Variants in WIPF2 observed in about 807,000 individuals in gnomAD.
WIPF2 encodes the protein WAS/WASL interacting protein family member 2.
WIPF2 carries 23 observed loss-of-function variants against 38.8 expected under a neutral mutation model. The ratio of observed to expected loss-of-function variants is 0.59; its 90% CI spans 0.43 to 0.84. The LOEUF is 0.84. WIPF2 is among the 40% of genes least tolerant of loss of function. The pLI, the probability that WIPF2 is intolerant of heterozygous loss-of-function variation, is 0.00. For missense variants in WIPF2, 574 were observed against 580.5 expected (o/e 0.99, Z 0.11); for synonymous variants, 210 against 223.2 (o/e 0.94, Z 0.53).
In WIPF2 at chr17:40,257,209, C is replaced by T. The variant is rs568687113; in HGVS notation, c.63+687C>T. Among the ~76,000 whole-genome samples the T allele has an allele frequency of 2.7e-4, 41 of 152,146 alleles. No individual in the cohort carries two copies. The East Asian group carries it at 6.8e-3, about 25-fold the overall frequency. The stretch of plus-strand genomic sequence containing the variant: ...GGCCAGGCTGGTCTTGAACTCCTGA[C>T]CTTGTGATCCTCCTGCCTTGGCCTC... On this transcript the variant is annotated intron_variant, in intron 2 of 7. Transcript: ENST00000323571.
intron 1 of WIPF2, among the ~76,000 whole-genome samples, chr17:40,227,758 C>A (rs2030553239): frequency 6.6e-6 from 1 of 151,918 alleles, no homozygotes; most frequent in Non-Finnish European, 1.5e-5. Flanking sequence ...GAGGCTGAGG[C>A]ACAAGAATCA....
Position 40,219,411 on chromosome 17 carries a change from G to T in WIPF2, c.-151G>T. The stretch of plus-strand genomic sequence containing the variant: ...CGGCGGCGGCGGCGACGGCGAGAAA[G>T]AGCTTGCCGGGGGGCGAGCAGGACA... On this transcript the variant is annotated 5_prime_UTR_variant, in exon 1 of 8. Transcript: ENST00000323571. 2.5e-6 allele frequency: 1 copy of T among 405,468 alleles called. No individual in the cohort carries two copies. Among genetic ancestry groups the T allele is most frequent in the South Asian group, 2.2e-5 (1 of 44,742 alleles). The allele number at this position is 405,468 out of a possible 1,614,324, so 25.1% of individuals were successfully genotyped here.
chr17:40,222,600 T>C (rs1232378369), intron 1 of WIPF2, among the ~76,000 whole-genome samples: 2 of 149,752 alleles, frequency 1.3e-5, no homozygotes, highest in East Asian at 2.0e-4. Context: ...TGTGTGTGTG[T>C]GTGTGTCTGC....
At chr17:40,234,576 G>A (rs549625279) in intron 1 of WIPF2, among the ~76,000 whole-genome samples, 2 of 152,076 alleles carry the variant, frequency 1.3e-5, no homozygotes, top group Non-Finnish European at 2.9e-5. Flanking sequence ...AGTAAGCCAT[G>A]ATCACACCAC....
At chr17:40,261,909 C>T (rs1437735922) in intron 3 of WIPF2, among the ~76,000 whole-genome samples, 3 of 145,088 alleles carry the variant, frequency 2.1e-5, no homozygotes, top group African/African-American at 7.6e-5. Context: ...CTCCTGACCT[C>T]ATGATCCGCC....
chr17:40,273,580 G>A (rs2032303849), intron 5 of WIPF2: 1 of 541,994 alleles, frequency 1.8e-6, no homozygotes, highest in African/African-American at 2.0e-5. Flanking sequence ...GGTTCTGACT[G>A]ACTGGTAGGA....
At chr17:40,262,376 C>T (rs926909060) in intron 3 of WIPF2, 149 bp from the exon 4 acceptor site, 4 of 593,828 alleles carry the variant, frequency 6.7e-6, no homozygotes, top group Non-Finnish European at 6.0e-6. Context: ...AGCCACTGTA[C>T]CAGGCCTGCT....
intron 1 of WIPF2, among the ~76,000 whole-genome samples, chr17:40,229,674 G>A (rs2030659975): frequency 6.6e-6 from 1 of 152,062 alleles, no homozygotes; most frequent in African/African-American, 2.4e-5. Context: ...TTCCTGCCTC[G>A]GCCTCCTAAA....
chr17:40,261,662 G>A (rs1598490783), intron 3 of WIPF2, among the ~76,000 whole-genome samples: 1 of 141,498 alleles, frequency 7.1e-6, no homozygotes, highest in Admixed American at 7.1e-5. Context: ...GCCACTTGTT[G>A]TTGTTGTTTT....
chr17:40,239,747 A>T (rs1320536439), intron 1 of WIPF2, among the ~76,000 whole-genome samples: 2 of 125,408 alleles, frequency 1.6e-5, no homozygotes, highest in Admixed American at 2.1e-4. Flanking sequence ...TCTAGGCTGG[A>T]GTGCAGTGGC....
At position 40,280,931 on chromosome 17, in the gene WIPF2, G is replaced by T. The variant is rs1390874840; in HGVS notation, c.*2706G>T. 1 of 152,482 alleles carries T rather than the reference G, an allele frequency of 6.6e-6. No homozygotes were observed. Among genetic ancestry groups the T allele is most frequent in the Non-Finnish European group, 1.5e-5 (1 of 68,008 alleles). 9.4% of individuals were successfully genotyped at this position (152,482 alleles called of 1,614,324 possible). ...AAATGTCTGCCTTATATGTTATTTG[G>T]TCCCACTGTTAATAATAGATTTATT... On this transcript the variant is annotated 3_prime_UTR_variant, in exon 8 of 8. Coordinates refer to ENST00000323571, the MANE Select transcript of WIPF2 (RefSeq NM_133264.5).
rs555005282 is a variant in WIPF2, at chr17:40,226,185, T to C, written c.-70+6693T>C. Among the ~76,000 whole-genome samples the C allele has an allele frequency of 5.4e-5, 8 of 147,540 alleles. No individual in the cohort carries two copies. The South Asian group carries it at 1.7e-3, about 32-fold the overall frequency. On this transcript the variant is annotated intron_variant, in intron 1 of 7. Transcript: ENST00000323571. ...TCCATATGTATTCAGATTGGGATAG[T>C]TGGTAAAAAAAAAAAAAAAAAAATT...
intron 1 of WIPF2, among the ~76,000 whole-genome samples, chr17:40,245,958 G>A (rs1012895378): frequency 1.3e-5 from 2 of 152,104 alleles, no homozygotes; most frequent in Admixed American, 1.3e-4. Flanking sequence ...AACACGTATA[G>A]CCTTGTGTTT....
intron 2 of WIPF2, among the ~76,000 whole-genome samples, chr17:40,260,277 T>C (rs2031854471): frequency 1.6e-5 from 2 of 128,286 alleles, no homozygotes; most frequent in African/African-American, 5.9e-5. Flanking sequence ...AACCTCCACC[T>C]CCTGGGTTCA....
rs373509590 is a variant in WIPF2 at position 40,256,479 on chromosome 17, C to T, written c.20C>T (p.Pro7Leu). 4.7e-5 allele frequency: 76 copies of T among 1,608,376 alleles called. No homozygotes were observed. In the Admixed American group the frequency reaches 9.7e-4, roughly 20 times the overall value. The change falls in exon 2 of 8, where the codon CCG (proline) becomes CTG (leucine). Residue 7 changes from proline to leucine, a missense_variant. Physicochemically the swap from Pro to Leu is moderately conservative, Grantham distance 98. Transcript: ENST00000323571. ...GCAAGAATGCCAATTCCTCCTCCCC[C>T]GCCACCCCCACCTGGTCCTCCTCCA... The part of the protein sequence containing the change: MPIPPP[P>L]PPPPGPPPPP...
At position 40,219,441 on chromosome 17, in the gene WIPF2, G is replaced by T; in HGVS notation, c.-121G>T. ...TGCCGGGGGGCGAGCAGGACAGGAC[G>T]AAGCCGGAGTGTAGGCGGCAGAGGA... On this transcript the variant is annotated 5_prime_UTR_variant, in exon 1 of 8. Transcript: ENST00000323571. 3.2e-6 allele frequency: 1 copy of T among 311,006 alleles called. No individual in the cohort carries two copies. The allele number at this position is 311,006 out of a possible 1,614,324, so 19.3% of individuals were successfully genotyped here.
At chr17:40,242,239 A>G (rs2031214821) in intron 1 of WIPF2, among the ~76,000 whole-genome samples, 2 of 152,016 alleles carry the variant, frequency 1.3e-5, no homozygotes, top group African/African-American at 4.8e-5. Flanking sequence ...GATTAGCTGG[A>G]TGTGGTAGTC....
chr17:40,244,971 A>G (rs1167025961), intron 1 of WIPF2, among the ~76,000 whole-genome samples: 1 of 152,070 alleles, frequency 6.6e-6, no homozygotes, highest in Non-Finnish European at 1.5e-5. Context: ...AAATTCTCCT[A>G]GATCCTGAAG....
chr17:40,240,927 A>C (rs1214936083), intron 1 of WIPF2, among the ~76,000 whole-genome samples: 1 of 150,318 alleles, frequency 6.7e-6, no homozygotes, highest in African/African-American at 2.5e-5. Flanking sequence ...CCTGGGCAAC[A>C]GAATGAGACT....
Sources: gnomAD v4.1 joint callset for allele counts (sites outside exome capture counted in the v4.1 genomes callset) on GRCh38, gnomAD v4.1.1 for gene constraint, MANE v1.5 for transcripts, NCBI Gene and HGNC (gene_info 2026-07-23, HGNC 2026-07-21) for gene names.